Variants in HS6ST2 observed in about 807,000 individuals in gnomAD.
HS6ST2 encodes heparan sulfate 6-O-sulfotransferase 2, also known as heparan-sulfate 6-O-sulfotransferase 2.
A neutral mutation model predicts 33.0 loss-of-function variants in HS6ST2; 17 were observed. The observed-to-expected ratio is 0.52, with a 90% CI of 0.35 to 0.77. HS6ST2 has a LOEUF of 0.77. HS6ST2 is among the 30% of genes least tolerant of loss of function. The probability of loss-of-function intolerance (pLI) is 0.01; values close to 1 mark genes in which losing one functional copy is unlikely to be tolerated. For missense variants in HS6ST2, 519 were observed against 551.7 expected (o/e 0.94, Z 0.59); for synonymous variants, 248 against 237.1 (o/e 1.05, Z -0.42).
At chrX:132,770,102 T>C (rs927306831) in intron 2 of HS6ST2, among the ~76,000 whole-genome samples, 16 of 111,986 alleles carry the variant, frequency 1.4e-4, no homozygotes, top group Non-Finnish European at 2.3e-4. Context: ...ATGGTAGTTA[T>C]CATCTCCTGA....
intron 2 of HS6ST2, among the ~76,000 whole-genome samples, chrX:132,859,201 A>G (rs1285973635): frequency 8.9e-6 from 1 of 111,803 alleles, no homozygotes; most frequent in African/African-American, 3.3e-5. Flanking sequence ...CCCTTCCTCA[A>G]TCAAGCTACC....
intron 4 of HS6ST2, 22 bp from the exon 5 acceptor site, chrX:132,629,115 C>A: frequency 8.5e-7 from 1 of 1,175,080 alleles, no homozygotes; most frequent in South Asian, 1.9e-5. Flanking sequence ...GCACAAAAAC[C>A]AACAGTCAGA....
intron 3 of HS6ST2, 133 bp downstream of exon 3, chrX:132,708,323 AAAAAAG>A: frequency 1.3e-5 from 4 of 313,534 alleles, no homozygotes; most frequent in Admixed American, 6.3e-5. Context: ...AAAAAAAAAA[AAAAAAG>A]CCCTGGAAAG....
At chrX:132,680,307 C>T (rs1602573626) in intron 3 of HS6ST2, among the ~76,000 whole-genome samples, 1 of 111,195 alleles carries the variant, frequency 9.0e-6, no homozygotes, top group East Asian at 2.8e-4. Flanking sequence ...TCCCTGACTT[C>T]CCGCAACACA....
rs538417594 is a variant in HS6ST2, at chrX:132,914,919, G to A, written c.947+41889C>T. On this transcript the variant is annotated intron_variant, in intron 2 of 4. Coordinates refer to ENST00000370833, the MANE Select transcript of HS6ST2 (RefSeq NM_001394073.1). ...AAAATGATCAAACATTTAAACTTCAGAGAAGTCACATGTCACCACATTTTT... is the reference window on the plus strand; with the variant it reads ...AAAATGATCAAACATTTAAACTTCAAAGAAGTCACATGTCACCACATTTTT... 9.8e-5 allele frequency among the ~76,000 whole-genome samples: 11 copies of A among 112,785 alleles called. No individual in the cohort carries two copies. The South Asian group carries it at 4.0e-3, about 41-fold the overall frequency.
chrX:132,717,390 A>G (rs901478975), intron 2 of HS6ST2, among the ~76,000 whole-genome samples: 1 of 112,635 alleles, frequency 8.9e-6, no homozygotes, highest in Non-Finnish European at 1.9e-5. Context: ...AATTTTTCTC[A>G]ATAAAACTGT....
rs1345773027 is a variant in HS6ST2, at chrX:132,937,395, C to T, written c.947+19413G>A. Among the ~76,000 whole-genome samples the T allele has an allele frequency of 2.7e-5, 3 of 111,828 alleles. No individual in the cohort carries two copies. The East Asian group carries it at 8.3e-4, about 31-fold the overall frequency. On this transcript the variant is annotated intron_variant, in intron 2 of 4. Transcript: ENST00000370833. ...AAGACCCTGAACAGCCGAAGCAATACTGAGCAAAAAGGACAACGCTGGAGG... is the reference window on the plus strand; with the variant it reads ...AAGACCCTGAACAGCCGAAGCAATATTGAGCAAAAAGGACAACGCTGGAGG...
intron 2 of HS6ST2, among the ~76,000 whole-genome samples, chrX:132,887,626 A>G (rs1486275627): frequency 8.9e-6 from 1 of 112,197 alleles, no homozygotes; most frequent in Non-Finnish European, 1.9e-5. Flanking sequence ...CTTACCATAT[A>G]ACCCAGCAAT....
intron 4 of HS6ST2, among the ~76,000 whole-genome samples, chrX:132,656,898 T>C (rs765606182): frequency 1.8e-5 from 2 of 111,474 alleles, no homozygotes; most frequent in African/African-American, 6.5e-5. Flanking sequence ...GTACAGAACA[T>C]AGACTGAAAA....
At position 132,765,645 on chromosome X, in the gene HS6ST2, C is replaced by A. The variant is rs751873354; in HGVS notation, c.948-57151G>T. On this transcript the variant is annotated intron_variant, in intron 2 of 4. Coordinates refer to ENST00000370833, the MANE Select transcript of HS6ST2 (RefSeq NM_001394073.1). ...CTAATGTTTTTTGTAAAGACACGGT[C>A]TCATATTGTTGCCCAGGCTGGTCTT... is the stretch of plus-strand genomic sequence containing the variant. 2.7e-5 allele frequency among the ~76,000 whole-genome samples: 3 copies of A among 110,727 alleles called. No individual in the cohort carries two copies. In the Admixed American group the frequency reaches 2.9e-4, roughly 11 times the overall value.
At chrX:132,760,706 G>C (rs2064797539) in intron 2 of HS6ST2, among the ~76,000 whole-genome samples, 1 of 110,942 alleles carries the variant, frequency 9.0e-6, no homozygotes, top group Admixed American at 9.6e-5. Flanking sequence ...GGGAGAGAAT[G>C]AGCACTTCGA....
In HS6ST2 at chrX:132,628,754, C is replaced by T. The variant is rs368946534; in HGVS notation, c.1407G>A (p.Ala469=). 7.3e-4 allele frequency: 883 copies of T among 1,210,097 alleles called. No homozygotes were observed. Among genetic ancestry groups the T allele is most frequent in the South Asian group, 3.6e-3 (207 of 56,799 alleles). ...ESAKSNLKHM[A]FFGLTEFQRK... is the part of the protein sequence containing the mutation. ...GCTGAAACTCAGTGAGGCCGAAGAA[C>T]GCCATGTGCTTCAGATTTGACTTGG... is the stretch of plus-strand genomic sequence containing the variant. Residue 469 remains alanine, a synonymous_variant, in exon 5 of 5, where the codon GCG becomes GCA. Transcript: ENST00000370833.
chrX:132,750,213 T>C (rs2064688467), intron 2 of HS6ST2, among the ~76,000 whole-genome samples: 1 of 110,684 alleles, frequency 9.0e-6, no homozygotes, highest in Admixed American at 9.6e-5. Flanking sequence ...CATGTGTACT[T>C]GTAACATTCT....
Position 132,877,696 on chromosome X carries a change from G to A in HS6ST2, c.947+79112C>T, listed in dbSNP as rs191031259. ...GAACTATGTAAGACACTGTAGGATC[G>A]AATCCAAACTGTGTACTTGCTTTTC... On this transcript the variant is annotated intron_variant, in intron 2 of 4. Transcript: ENST00000370833. Among the ~76,000 whole-genome samples, 155 of 111,328 alleles carry A rather than the reference G, an allele frequency of 1.4e-3. 1 individual carries two copies. Among genetic ancestry groups the A allele is most frequent in the African/African-American group, 4.6e-3 (141 of 30,722 alleles).
intron 2 of HS6ST2, among the ~76,000 whole-genome samples, chrX:132,875,085 C>A (rs1012159119): frequency 5.4e-5 from 6 of 111,640 alleles, no homozygotes; most frequent in African/African-American, 1.6e-4. Context: ...TAATGAGAAG[C>A]ATGATTCTAT....
chrX:132,891,703 A>G (rs2066313857), intron 2 of HS6ST2, among the ~76,000 whole-genome samples: 1 of 111,588 alleles, frequency 9.0e-6, no homozygotes, highest in Admixed American at 9.5e-5. Context: ...TGTCCCTACA[A>G]AGGACATGAA....
chrX:132,829,545 A>G (rs775154121), intron 2 of HS6ST2, among the ~76,000 whole-genome samples: 1 of 110,530 alleles, frequency 9.0e-6, no homozygotes, highest in East Asian at 2.9e-4. Flanking sequence ...AAAAAATTTA[A>G]TGTTAACTGT....
chrX:132,919,828 G>A (rs188994149), intron 2 of HS6ST2, among the ~76,000 whole-genome samples: 3 of 111,815 alleles, frequency 2.7e-5, no homozygotes, highest in East Asian at 5.7e-4. Context: ...TCACTGAAAC[G>A]ATTTAAAGCT....
intron 2 of HS6ST2, among the ~76,000 whole-genome samples, chrX:132,799,364 C>T (rs775306168): frequency 1.2e-3 from 110 of 91,544 alleles, no homozygotes; most frequent in Admixed American, 2.2e-3. Context: ...ATCATGTTCT[C>T]TTTTACTTTT....
Sources: allele counts gnomAD v4.1 joint callset (sites outside exome capture counted in the v4.1 genomes callset), GRCh38; gene constraint gnomAD v4.1.1; transcripts MANE v1.5; gene names NCBI Gene and HGNC (gene_info 2026-07-23, HGNC 2026-07-21).